The following PHRF1 variants were observed in gnomAD, a reference collection of about 807,000 sequenced individuals.
PHRF1 encodes the protein PHD and RING finger domain-containing protein 1.
In PHRF1, 53 loss-of-function variants were observed where a neutral mutation model predicts 128.9. That is an observed-to-expected ratio of 0.41 (90% CI 0.33 to 0.52). The LOEUF (loss-of-function observed/expected upper bound fraction) is 0.52, where lower values mean the gene tolerates loss of function less well. Among genes scored for constraint, PHRF1 ranks in the 20% least tolerant of loss-of-function variants. The pLI, the probability that PHRF1 is intolerant of heterozygous loss-of-function variation, is 0.21. For synonymous variants in PHRF1, 1,178 were observed against 980.6 expected (o/e 1.20, Z -3.76); for missense variants, 2,503 against 2,284.5 (o/e 1.10, Z -1.95).
intron 3 of PHRF1, among the ~76,000 whole-genome samples, chr11:586,260 C>T (rs949053758): frequency 1.2e-4 from 18 of 151,800 alleles, no homozygotes; most frequent in Admixed American, 3.3e-4. Context: ...CCAAAGATGC[C>T]GGGATTACAG....
In PHRF1 at chr11:611,090, G is replaced by A. The variant is rs767554901; in HGVS notation, c.4806+8G>A. 2 of 1,612,328 alleles carry A rather than the reference G, an allele frequency of 1.2e-6. No individual in the cohort carries two copies. The highest frequency in any genetic ancestry group is 1.1e-5 in the South Asian group (1 of 91,000). ...CGCAAGGCCGTGCAGAAGGTGGGCT[G>A]TGTGCGAGCCTGTGTGTGGGGCTCG... On this transcript the variant is annotated splice_region_variant and intron_variant, in intron 17 of 17. Coordinates refer to ENST00000264555, the MANE Select transcript of PHRF1 (RefSeq NM_001286581.2).
chr11:586,162 T>A (rs1854544584), intron 3 of PHRF1, among the ~76,000 whole-genome samples: 1 of 151,810 alleles, frequency 6.6e-6, no homozygotes, highest in Admixed American at 6.6e-5. Context: ...CGCCTGGCAA[T>A]TTTTTGTACT....
intron 13 of PHRF1, 98 bp downstream of exon 13, chr11:606,694 G>C: frequency 6.9e-7 from 1 of 1,445,080 alleles, no homozygotes; most frequent in African/African-American, 1.4e-5. Flanking sequence ...GGAAGATGTA[G>C]CTGAAGTTGG....
intron 10 of PHRF1, among the ~76,000 whole-genome samples, chr11:602,236 A>G (rs772980264): frequency 2.6e-5 from 4 of 152,096 alleles, no homozygotes; most frequent in African/African-American, 4.8e-5. Context: ...GACATTTAAT[A>G]TTCATTTTTA....
intron 10 of PHRF1, 43 bp downstream of exon 10, chr11:601,744 G>A: frequency 6.2e-7 from 1 of 1,610,998 alleles, no homozygotes; most frequent in Non-Finnish European, 8.5e-7. Context: ...GCTGGCCACA[G>A]CACCCTCGCG....
chr11:583,830 G>T (rs1344240815), intron 3 of PHRF1, among the ~76,000 whole-genome samples: 1 of 152,128 alleles, frequency 6.6e-6, no homozygotes, highest in Non-Finnish European at 1.5e-5. Context: ...CAGCCTGTGA[G>T]GCCACCAAGG....
chr11:586,343 C>G (rs1020105316), intron 3 of PHRF1, among the ~76,000 whole-genome samples: 1 of 152,244 alleles, frequency 6.6e-6, no homozygotes, highest in Non-Finnish European at 1.5e-5. Flanking sequence ...AACTCTTCTG[C>G]TGCCTCCCTC....
intron 11 of PHRF1, 90 bp downstream of exon 11, chr11:605,390 T>A: frequency 6.6e-7 from 1 of 1,526,532 alleles, no homozygotes; most frequent in Non-Finnish European, 8.9e-7. Context: ...GCGGAGGCGT[T>A]AGGTTTTGTG....
chr11:598,257 G>A (rs1855414904), intron 8 of PHRF1, 116 bp from the exon 9 acceptor site: 2 of 1,364,038 alleles, frequency 1.5e-6, no homozygotes, highest in Admixed American at 5.6e-5. Context: ...CGGGTGGGGA[G>A]GCTGTCCTGC....
intron 1 of PHRF1, among the ~76,000 whole-genome samples, chr11:580,664 C>T (rs890086148): frequency 6.6e-6 from 1 of 152,158 alleles, no homozygotes; most frequent in African/African-American, 2.4e-5. Flanking sequence ...CCGTTTTGTT[C>T]GTATATGGTG....
intron 6 of PHRF1, among the ~76,000 whole-genome samples, chr11:595,629 G>T (rs1221968347): frequency 6.6e-6 from 1 of 152,246 alleles, no homozygotes; most frequent in Non-Finnish European, 1.5e-5. Flanking sequence ...CTCTTCTCGG[G>T]GATGAGTGTG....
At chr11:600,543 C>G (rs1005199403) in intron 9 of PHRF1, among the ~76,000 whole-genome samples, 1 of 144,234 alleles carries the variant, frequency 6.9e-6, no homozygotes, top group Non-Finnish European at 1.5e-5. Context: ...GTTTAAAAAT[C>G]TTTGACGCCG....
At position 607,750 on chromosome 11, in the gene PHRF1, C is replaced by T. The variant is rs1856043715; in HGVS notation, c.2294C>T (p.Ser765Leu). 1.2e-6 allele frequency: 2 copies of T among 1,612,422 alleles called. No homozygotes were observed. The highest frequency in any genetic ancestry group is 1.7e-6 in the Non-Finnish European group (2 of 1,179,674). ...GGCAGTTTGGCCCCACTGGGACCATCAAGAGGGAAAGGGGTCGGGTCGACC... is the reference window on the plus strand; with the variant it reads ...GGCAGTTTGGCCCCACTGGGACCATTAAGAGGGAAAGGGGTCGGGTCGACC... ...SHGSLAPLGP[S>L]RGKGVGSTFE... Residue 765 changes from serine to leucine, a missense_variant, in exon 14 of 18, where the codon TCA becomes TTA. Ser to Leu is a moderately radical substitution (Grantham distance 145). Coordinates refer to ENST00000264555, the MANE Select transcript of PHRF1 (RefSeq NM_001286581.2).
intron 3 of PHRF1, among the ~76,000 whole-genome samples, chr11:583,647 A>G (rs1226848722): frequency 1.3e-5 from 2 of 152,218 alleles, no homozygotes; most frequent in African/African-American, 2.4e-5. Flanking sequence ...GGTCTCAGCT[A>G]CGCAGGAGGC....
At chr11:584,897 C>T (rs1415706790) in intron 3 of PHRF1, among the ~76,000 whole-genome samples, 1 of 152,056 alleles carries the variant, frequency 6.6e-6, no homozygotes, top group African/African-American at 2.4e-5. Flanking sequence ...ACCACCATGC[C>T]TGGGTAATTT....
At chr11:579,932 T>G (rs1386595875) in intron 1 of PHRF1, among the ~76,000 whole-genome samples, 1 of 152,146 alleles carries the variant, frequency 6.6e-6, no homozygotes, top group Non-Finnish European at 1.5e-5. Flanking sequence ...GTCCAGGGGT[T>G]TCCAGACAGC....
rs375365360 is a variant in PHRF1, at chr11:597,451, A to G, written c.775A>G (p.Thr259Ala). ...CCTGCTCTTGGCTGATGTGGTGCCCACCACCAGCAGGCTTCGGCCTCGAGC... is the reference window on the plus strand; with the variant it reads ...CCTGCTCTTGGCTGATGTGGTGCCCGCCACCAGCAGGCTTCGGCCTCGAGC... ...VSLLLADVVP[T>A]TSRLRPRAGR... The change falls in exon 8 of 18, where the codon ACC (threonine) becomes GCC (alanine). Residue 259 changes from threonine to alanine, a missense_variant. Coordinates refer to ENST00000264555, the MANE Select transcript of PHRF1 (RefSeq NM_001286581.2). This position sits in a 1 kb window ranked among gnomAD's most constrained non-coding sequence, Gnocchi z 6.5. 6.0e-5 allele frequency: 97 copies of G among 1,612,692 alleles called. No individual in the cohort carries two copies. Among genetic ancestry groups the G allele is most frequent in the Non-Finnish European group, 5.9e-5 (70 of 1,179,618 alleles).
rs1201054603 is a variant in PHRF1 at position 592,613 on chromosome 11, G to A, written c.559G>A (p.Glu187Lys). The A allele has an allele frequency of 6.2e-7, 1 of 1,614,092 alleles. No individual in the cohort carries two copies. Among genetic ancestry groups the A allele is most frequent in the Admixed American group, 1.7e-5 (1 of 60,032 alleles). The change falls in exon 6 of 18, where the codon GAG (glutamate) becomes AAG (lysine). Residue 187 changes from glutamate (E) to lysine (K), a missense_variant. Physicochemically the swap from Glu to Lys is moderately conservative, Grantham distance 56 (BLOSUM62 1). Transcript: ENST00000264555. ...SEEEEDPTFC[E>K]VCGRSDREDR... ...GGAGGAGGAGGACCCGACCTTCTGTGAGGTGTGCGGCAGGAGCGACCGTGA... is the reference window on the plus strand; with the variant it reads ...GGAGGAGGAGGACCCGACCTTCTGTAAGGTGTGCGGCAGGAGCGACCGTGA...
In PHRF1 at chr11:607,869, G is replaced by A. The variant is rs1856051499; in HGVS notation, c.2413G>A (p.Asp805Asn). Residue 805 changes from aspartate (D) to asparagine (N), a missense_variant, in exon 14 of 18, where the codon GAT (aspartate) becomes AAT (asparagine). Physicochemically the swap from Asp to Asn is conservative, Grantham distance 23. Transcript: ENST00000264555. ...CTGTAACACGTTCCGGCCTGTGGAC[G>A]ATAAGGAGCAGAGGAAGGAGAACCC... The part of the protein sequence containing the change: ...GFCNTFRPVD[D>N]KEQRKENPSP... The A allele has an allele frequency of 6.2e-7, 1 of 1,612,782 alleles. No homozygotes were observed. The highest frequency in any genetic ancestry group is 8.5e-7 in the Non-Finnish European group (1 of 1,179,886).
Sources: allele counts gnomAD v4.1 joint callset (sites outside exome capture counted in the v4.1 genomes callset), GRCh38; gene constraint gnomAD v4.1.1; non-coding constraint Gnocchi (gnomAD v3.1); transcripts MANE v1.5; gene names NCBI Gene and HGNC (gene_info 2026-07-23, HGNC 2026-07-21).